The following PLOD2 variants were observed in gnomAD, a reference collection of about 807,000 sequenced individuals.
PLOD2 encodes the protein lysine hydroxylase 2.
A neutral mutation model predicts 101.0 loss-of-function variants in PLOD2; 65 were observed. That is an observed-to-expected ratio of 0.64 (90% CI 0.53 to 0.79). The LOEUF (loss-of-function observed/expected upper bound fraction) is 0.79, where lower values mean the gene tolerates loss of function less well. Ranked by LOEUF, PLOD2 falls within the 30% of genes least tolerant of loss-of-function variation. The pLI, the probability that PLOD2 is intolerant of heterozygous loss-of-function variation, is 0.00. For missense variants in PLOD2, 909 were observed against 914.6 expected (o/e 0.99, Z 0.08); for synonymous variants, 314 against 302.9 (o/e 1.04, Z -0.38).
At chr3:146,114,282 C>T (rs1937793685) in intron 3 of PLOD2, among the ~76,000 whole-genome samples, 1 of 150,920 alleles carries the variant, frequency 6.6e-6, no homozygotes, top group African/African-American at 2.4e-5. Context: ...TATTCATACA[C>T]TGCCTCCCCT....
intron 7 of PLOD2, among the ~76,000 whole-genome samples, chr3:146,098,252 G>T (rs1014043550): frequency 2.9e-4 from 44 of 152,096 alleles, no homozygotes; most frequent in Admixed American, 1.3e-4. Flanking sequence ...TAATTAAGAT[G>T]TATATTGTTT....
chr3:146,106,647 G>GC lies in PLOD2; in HGVS notation c.503-4dup. ...ATATGGAGCATAGCCAATAAATCCT[G>GC]CAACACAGCAGAGAGAAAGTAGATA... On this transcript the variant is annotated splice_polypyrimidine_tract_variant and splice_region_variant and intron_variant, in intron 4 of 19. Coordinates refer to ENST00000282903, the MANE Select transcript of PLOD2 (RefSeq NM_182943.3). 1.5e-6 allele frequency: 2 copies of GC among 1,367,762 alleles called. No individual in the cohort carries two copies. Among genetic ancestry groups the GC allele is most frequent in the Non-Finnish European group, 2.1e-6 (2 of 955,664 alleles). 84.7% of individuals were successfully genotyped at this position (1,367,762 alleles called of 1,614,324 possible). A position where few individuals can be genotyped will look rare whatever the true frequency, so the allele number is the denominator to read the frequency against.
At chr3:146,121,859 C>T (rs1014495707) in intron 2 of PLOD2, among the ~76,000 whole-genome samples, 2 of 152,158 alleles carry the variant, frequency 1.3e-5, no homozygotes, top group Non-Finnish European at 2.9e-5. Flanking sequence ...TTTCTCTTCA[C>T]TATTTGCTTG....
intron 3 of PLOD2, among the ~76,000 whole-genome samples, chr3:146,114,179 A>G (rs953545282): frequency 3.3e-5 from 5 of 152,094 alleles, no homozygotes; most frequent in Admixed American, 1.3e-4. Flanking sequence ...TTTCATTAGC[A>G]ATTTTAATTT....
chr3:146,101,518 G>C (rs1483710537), intron 7 of PLOD2, among the ~76,000 whole-genome samples: 1 of 152,150 alleles, frequency 6.6e-6, no homozygotes, highest in African/African-American at 2.4e-5. Context: ...CTGTCTTTAG[G>C]TGAAATAAAA....
chr3:146,122,149 T>C (rs1172110982), intron 2 of PLOD2, among the ~76,000 whole-genome samples: 3 of 152,208 alleles, frequency 2.0e-5, no homozygotes, highest in African/African-American at 4.8e-5. Flanking sequence ...CGGAGATAAA[T>C]CTTGCTGGCA....
At chr3:146,081,688 A>C in intron 12 of PLOD2, 50 bp downstream of exon 12, 1 of 1,491,688 alleles carries the variant, frequency 6.7e-7, no homozygotes, top group Non-Finnish European at 9.3e-7. Flanking sequence ...ACAAGACTAC[A>C]TCTTTAGATT....
intron 1 of PLOD2, among the ~76,000 whole-genome samples, chr3:146,133,019 C>A (rs924020186): frequency 2.0e-5 from 3 of 151,824 alleles, no homozygotes; most frequent in Non-Finnish European, 2.9e-5. Context: ...ACTAAAAATA[C>A]AAAAAAATTA....
intron 1 of PLOD2, among the ~76,000 whole-genome samples, chr3:146,148,442 A>C (rs2031899858): frequency 6.6e-6 from 1 of 151,952 alleles, no homozygotes; most frequent in South Asian, 2.1e-4. Context: ...CCTAAATACG[A>C]AGAATAAATC....
intron 1 of PLOD2, among the ~76,000 whole-genome samples, chr3:146,159,358 G>T (rs1039996550): frequency 1.4e-4 from 21 of 152,128 alleles, no homozygotes; most frequent in Admixed American, 2.6e-4. Context: ...ATTTGATTTT[G>T]ACTATAAATA....
intron 1 of PLOD2, among the ~76,000 whole-genome samples, chr3:146,126,953 A>C (rs903230285): frequency 1.3e-5 from 2 of 152,182 alleles, no homozygotes; most frequent in African/African-American, 4.8e-5. Flanking sequence ...GCCATATGTG[A>C]TAAATACTGA....
At chr3:146,149,003 C>T (rs969096871) in intron 1 of PLOD2, among the ~76,000 whole-genome samples, 3 of 152,178 alleles carry the variant, frequency 2.0e-5, no homozygotes, top group African/African-American at 7.2e-5. Flanking sequence ...GATGAAACTA[C>T]CCAAACCAAA....
chr3:146,160,873 G>GTGCTCACCTGTGGGGA lies in PLOD2; in HGVS notation c.101_109+7dup, dbSNP rs2032544695. 2 of 1,532,384 alleles carry GTGCTCACCTGTGGGGA rather than the reference G, an allele frequency of 1.3e-6. No homozygotes were observed. Among genetic ancestry groups the GTGCTCACCTGTGGGGA allele is most frequent in the Non-Finnish European group, 1.8e-6 (2 of 1,124,978 alleles). 94.9% of individuals were successfully genotyped at this position (1,532,384 alleles called of 1,614,324 possible). Reference sequence around the variant, plus strand: ...TCGCGGGACAGCGGCGGACCGCGGGGTGCTCACCTGTGGGGATGCTCGAGG... The same window carrying GTGCTCACCTGTGGGGA: ...TCGCGGGACAGCGGCGGACCGCGGGGTGCTCACCTGTGGGGATGCTCACCTGTGGGGATGCTCGAGG... On this transcript the variant is annotated splice_region_variant and intron_variant, in intron 1 of 19. Coordinates refer to ENST00000282903, the MANE Select transcript of PLOD2 (RefSeq NM_182943.3).
At chr3:146,081,602 A>G in intron 12 of PLOD2, 136 bp downstream of exon 12, 1 of 631,304 alleles carries the variant, frequency 1.6e-6, no homozygotes, top group Non-Finnish European at 2.7e-6. Context: ...CAGGATTCCA[A>G]GTGGTCTTGG....
intron 10 of PLOD2, 87 bp downstream of exon 10, chr3:146,086,700 C>A: frequency 1.0e-6 from 1 of 958,580 alleles, no homozygotes; most frequent in Non-Finnish European, 1.5e-6. Context: ...CCAAATTTGG[C>A]ATAACAATTT....
chr3:146,074,170 G>A (rs1431598654), intron 15 of PLOD2, among the ~76,000 whole-genome samples: 2 of 150,818 alleles, frequency 1.3e-5, no homozygotes, highest in East Asian at 3.9e-4. Flanking sequence ...TATTTTATTG[G>A]GACAAGTTCT....
intron 11 of PLOD2, among the ~76,000 whole-genome samples, chr3:146,083,298 G>A (rs927091073): frequency 6.6e-6 from 1 of 152,104 alleles, no homozygotes; most frequent in African/African-American, 2.4e-5. Flanking sequence ...TAGAGATAGG[G>A]AGAGAAGAGG....
chr3:146,125,403 T>A (rs915338333), intron 1 of PLOD2, among the ~76,000 whole-genome samples: 6 of 147,714 alleles, frequency 4.1e-5, no homozygotes, highest in South Asian at 4.3e-4. Flanking sequence ...CCAAAAAAAA[T>A]AATTTCCATG....
At chr3:146,133,870 C>G (rs1199084176) in intron 1 of PLOD2, among the ~76,000 whole-genome samples, 1 of 151,986 alleles carries the variant, frequency 6.6e-6, no homozygotes, top group Non-Finnish European at 1.5e-5. Flanking sequence ...ACCAAACAAA[C>G]AAAAACAAAA....
Sources: allele counts gnomAD v4.1 joint callset (sites outside exome capture counted in the v4.1 genomes callset), GRCh38; gene constraint gnomAD v4.1.1; transcripts MANE v1.5; gene names NCBI Gene and HGNC (gene_info 2026-07-23, HGNC 2026-07-21).